ATF7IP2: variants seen among roughly 807,000 people sequenced by gnomAD.
ATF7IP2 encodes the protein activating transcription factor 7-interacting protein 2.
A neutral mutation model predicts 64.2 loss-of-function variants in ATF7IP2; 42 were observed. The observed-to-expected ratio is 0.65, with a 90% confidence interval of 0.51 to 0.85. The LOEUF (loss-of-function observed/expected upper bound fraction) is 0.85. Ranked by LOEUF, ATF7IP2 falls within the 40% of genes least tolerant of loss-of-function variation. The probability of loss-of-function intolerance (pLI) is 0.00; values close to 1 mark genes in which losing one functional copy is unlikely to be tolerated. For synonymous variants in ATF7IP2, 308 were observed against 272.8 expected, an observed-to-expected ratio of 1.13 and a Z score of -1.27; for missense variants, 933 against 784.2, an observed-to-expected ratio of 1.19 and a Z score of -2.27.
intron 9 of ATF7IP2, among the ~76,000 whole-genome samples, chr16:10,468,921 G>A (rs578175094): frequency 1.3e-5 from 2 of 152,276 alleles, no homozygotes; most frequent in East Asian, 3.9e-4. Flanking sequence ...TTGCTTTAGT[G>A]GGGCTCAATT....
chr16:10,429,253 T>G (rs1374605517), intron 4 of ATF7IP2, among the ~76,000 whole-genome samples: 2 of 152,164 alleles, frequency 1.3e-5, no homozygotes. Flanking sequence ...TAATACACAG[T>G]CCTATAGGAA....
chr16:10,460,300 G>C (rs2049331672), intron 9 of ATF7IP2, among the ~76,000 whole-genome samples: 1 of 152,102 alleles, frequency 6.6e-6, no homozygotes, highest in East Asian at 1.9e-4. Context: ...ATATGGTGTG[G>C]ACAAAGGAGT....
intron 9 of ATF7IP2, among the ~76,000 whole-genome samples, chr16:10,466,881 T>A (rs13338992): frequency 0.08 from 12,215 of 152,166 alleles, 1,018 homozygotes; most frequent in African/African-American, 0.2. Flanking sequence ...TTATTAATCA[T>A]GGTTGTTTTA....
chr16:10,405,220 A>T (rs1251460736), intron 1 of ATF7IP2, among the ~76,000 whole-genome samples: 1 of 151,846 alleles, frequency 6.6e-6, no homozygotes, highest in Non-Finnish European at 1.5e-5. Flanking sequence ...AAATACAAAA[A>T]ATTAGCCGAG....
At chr16:10,389,496 C>CGTCCA (rs1333356269) in intron 1 of ATF7IP2, among the ~76,000 whole-genome samples, 1 of 152,100 alleles carries the variant, frequency 6.6e-6, no homozygotes, top group Non-Finnish European at 1.5e-5. Flanking sequence ...GAGTGCTCCC[C>CGTCCA]GTCCAGTGTT....
chr16:10,457,654 GTTTTAC>G (rs2049226555), intron 9 of ATF7IP2, 125 bp downstream of exon 9: 2 of 784,858 alleles, frequency 2.5e-6, no homozygotes, highest in East Asian at 6.4e-5. Flanking sequence ...ATGTCCTATA[GTTTTAC>G]TTTTACATAT....
chr16:10,414,876 T>G (rs1361149731), intron 2 of ATF7IP2, among the ~76,000 whole-genome samples: 1 of 152,158 alleles, frequency 6.6e-6, no homozygotes, highest in Non-Finnish European at 1.5e-5. Flanking sequence ...TGAGCTGTAG[T>G]GATTGTTATC....
At chr16:10,415,571 T>C (rs1293916773) in intron 2 of ATF7IP2, among the ~76,000 whole-genome samples, 1 of 152,164 alleles carries the variant, frequency 6.6e-6, no homozygotes, top group Admixed American at 6.5e-5. Context: ...GCAAAAGAAT[T>C]TTCATAAGCC....
At chr16:10,411,351 G>GT (rs55895645) in intron 1 of ATF7IP2, among the ~76,000 whole-genome samples, 84,236 of 140,912 alleles carry the variant, frequency 0.6, 24,745 homozygotes, top group East Asian at 0.75. Context: ...GGGCCTTTTT[G>GT]TTTTTTTTTT....
At chr16:10,459,708 C>G (rs2049309115) in intron 9 of ATF7IP2, among the ~76,000 whole-genome samples, 1 of 152,130 alleles carries the variant, frequency 6.6e-6, no homozygotes, top group Admixed American at 6.6e-5. Context: ...CAACTCACAA[C>G]TCACTATAGA....
At chr16:10,459,590 T>G (rs968252077) in intron 9 of ATF7IP2, among the ~76,000 whole-genome samples, 5 of 152,054 alleles carry the variant, frequency 3.3e-5, no homozygotes, top group Non-Finnish European at 5.9e-5. Context: ...GAGGCTGCAG[T>G]GAGCTGAGAT....
intron 9 of ATF7IP2, among the ~76,000 whole-genome samples, chr16:10,467,400 G>A (rs1410248064): frequency 2.6e-5 from 4 of 152,180 alleles, no homozygotes; most frequent in East Asian, 1.9e-4. Flanking sequence ...AAAGTATTTT[G>A]ACTATCGTAT....
At chr16:10,435,462 A>G (rs924254197) in intron 6 of ATF7IP2, among the ~76,000 whole-genome samples, 4 of 152,222 alleles carry the variant, frequency 2.6e-5, no homozygotes, top group African/African-American at 4.8e-5. Flanking sequence ...CAGGACTTCA[A>G]TCTGATTCCC....
In ATF7IP2 at chr16:10,421,159, T is replaced by C. The variant is rs184901656; in HGVS notation, c.-160+1536T>C. On this transcript the variant is annotated intron_variant, in intron 3 of 13. Coordinates refer to ENST00000562102, the MANE Select transcript of ATF7IP2 (RefSeq NM_001393719.1). ...TAATTTAACAATCTGAGTTCTCTGA[T>C]TTCCTATCACAGTAGCAATTTGATC... Among the ~76,000 whole-genome samples the C allele has an allele frequency of 2.4e-3, 360 of 152,302 alleles. 1 individual carries two copies. Among genetic ancestry groups the C allele is most frequent in the African/African-American group, 8.4e-3 (349 of 41,562 alleles).
At chr16:10,415,076 C>T (rs1013323271) in intron 2 of ATF7IP2, among the ~76,000 whole-genome samples, 12 of 152,148 alleles carry the variant, frequency 7.9e-5, no homozygotes, top group African/African-American at 2.4e-4. Context: ...AGATTCAGTG[C>T]AGTCCCTATC....
chr16:10,390,507 G>C (rs1159971169), intron 1 of ATF7IP2, among the ~76,000 whole-genome samples: 2 of 152,150 alleles, frequency 1.3e-5, no homozygotes, highest in East Asian at 3.8e-4. Context: ...AATAGGCTGG[G>C]CATGCTGACT....
chr16:10,481,007 T>C, intron 13 of ATF7IP2, 43 bp downstream of exon 13: 1 of 1,414,660 alleles, frequency 7.1e-7, no homozygotes, highest in Non-Finnish European at 1.0e-6. Flanking sequence ...TATTCCAAAT[T>C]GAGTGGGAAG....
chr16:10,474,980 G>C (rs1334031118), intron 12 of ATF7IP2, among the ~76,000 whole-genome samples: 2 of 152,178 alleles, frequency 1.3e-5, no homozygotes, highest in Non-Finnish European at 2.9e-5. Flanking sequence ...CCAGCAGTTT[G>C]AGACCAGCCT....
intron 8 of ATF7IP2, 92 bp downstream of exon 8, chr16:10,440,554 GAAGGTGTA>G (rs1431548109): frequency 1.3e-6 from 1 of 768,206 alleles, no homozygotes; most frequent in African/African-American, 1.8e-5. Flanking sequence ...GGCTAGGACA[GAAGGTGTA>G]AAGGTAAGTA....
Sources: allele counts gnomAD v4.1 joint callset (sites outside exome capture counted in the v4.1 genomes callset), GRCh38; gene constraint gnomAD v4.1.1; transcripts MANE v1.5; gene names NCBI Gene and HGNC (gene_info 2026-07-23, HGNC 2026-07-21).